MAP7D1: variants seen among roughly 807,000 people sequenced by gnomAD.
The protein encoded by MAP7D1 is MAP7 domain-containing protein 1.
In MAP7D1, 30 loss-of-function variants were observed where a neutral mutation model predicts 97.5. The observed-to-expected ratio is 0.31, with a 90% confidence interval of 0.23 to 0.42. MAP7D1 has a LOEUF of 0.42. Among genes scored for constraint, MAP7D1 ranks in the 10% least tolerant of loss-of-function variants. The pLI is 1.00. For missense variants in MAP7D1, 1,184 were observed against 1,179.5 expected (o/e 1.00, Z -0.06); for synonymous variants, 536 against 477.1 (o/e 1.12, Z -1.61).
intron 8 of MAP7D1, 108 bp from the exon 9 acceptor site, chr1:36,177,765 C>T: frequency 1.6e-6 from 2 of 1,276,144 alleles, no homozygotes; most frequent in Non-Finnish European, 9.9e-7. Context: ...GGGCGGGGGG[C>T]GGCGCTGATG....
At chr1:36,161,427 G>A (rs1374018963) in intron 1 of MAP7D1, among the ~76,000 whole-genome samples, 2 of 152,234 alleles carry the variant, frequency 1.3e-5, no homozygotes, top group African/African-American at 4.8e-5. Context: ...GCAGGGTAAA[G>A]ACCGTCATGC....
rs111556626 is a variant in MAP7D1, at chr1:36,178,956, G to A, written c.2061G>A (p.Ala687=). 922 of 1,559,188 alleles carry A rather than the reference G, an allele frequency of 5.9e-4. 4 individuals carry two copies. The African/African-American group carries it at 0.011, about 19-fold the overall frequency. ...EEAEARSREE[A]ERQRLEREKH... is the part of the protein sequence containing the mutation. ...CCGAAGCTCGGTCGCGGGAAGAGGC[G>A]GAGCGGCAGCGTCTGGAGCGGGAAA... Residue 687 remains alanine, a synonymous_variant, in exon 12 of 17, where the codon GCG becomes GCA. Transcript: ENST00000474796.
In MAP7D1 at chr1:36,176,879, C is replaced by T. The variant is rs754771804; in HGVS notation, c.1379+37C>T. ...CGGTGCGAGGGACCCTGCCCCTCAC[C>T]GGGTCATTTATTCATCACCCACAAA... On this transcript the variant is annotated intron_variant, in intron 8 of 16. Coordinates refer to ENST00000474796, the MANE Select transcript of MAP7D1 (RefSeq NM_001388490.1). The surrounding 1 kb of genome is among the most constrained non-coding windows in gnomAD (Gnocchi z 6.1). The T allele has an allele frequency of 2.5e-5, 38 of 1,511,614 alleles. No individual in the cohort carries two copies. The highest frequency in any genetic ancestry group is 1.8e-4 in the Admixed American group (9 of 49,588). 93.6% of individuals were successfully genotyped at this position (1,511,614 alleles called of 1,614,324 possible).
rs781117709 is a variant in MAP7D1 at position 36,180,259 on chromosome 1, G to A, written c.*1G>A. 6.2e-7 allele frequency: 1 copy of A among 1,614,226 alleles called. No homozygotes were observed. The highest frequency in any genetic ancestry group is 8.5e-7 in the Non-Finnish European group (1 of 1,180,042). Reference sequence around the variant, plus strand: ...CTGTTTTTCCCCAGAAGTCCTTTAAGAGGGTTTGCCTTGGATCCGGGCACA... The same window carrying A: ...CTGTTTTTCCCCAGAAGTCCTTTAAAAGGGTTTGCCTTGGATCCGGGCACA... On this transcript the variant is annotated 3_prime_UTR_variant, in exon 17 of 17. Coordinates refer to ENST00000474796, the MANE Select transcript of MAP7D1 (RefSeq NM_001388490.1).
At position 36,178,425 on chromosome 1, in the gene MAP7D1, C is replaced by T; in HGVS notation, c.1715C>T (p.Ala572Val). ...ATCCCGGATCCCCCTCCAGACGCTGCTGTCTTGACCTCACCCCCAGCCCCT... is the reference window on the plus strand; with the variant it reads ...ATCCCGGATCCCCCTCCAGACGCTGTTGTCTTGACCTCACCCCCAGCCCCT... ...QPPAETPTDA[A>V]VLTSPPAPAP... Residue 572 changes from alanine (A) to valine (V), a missense_variant, in exon 10 of 17, where the codon GCT (alanine) becomes GTT (valine). Transcript: ENST00000474796. The T allele has an allele frequency of 1.9e-6, 3 of 1,609,996 alleles. No individual in the cohort carries two copies. The highest frequency in any genetic ancestry group is 3.8e-4 in the Middle Eastern group (2 of 5,302).
At position 36,176,673 on chromosome 1, in the gene MAP7D1, C is replaced by A. The variant is rs774282950; in HGVS notation, c.1234-24C>A. On this transcript the variant is annotated intron_variant, in intron 7 of 16. Transcript: ENST00000474796. This position sits in a 1 kb window ranked among gnomAD's most constrained non-coding sequence, Gnocchi z 6.1. ...GGGCGCTGCTGACCTCTACTCTCCT[C>A]TTCCGTTCCTCCTTCCCTGCCAGGT... 7 of 1,606,332 alleles carry A rather than the reference C, an allele frequency of 4.4e-6. No individual in the cohort carries two copies. In the African/African-American group the frequency reaches 8.0e-5, roughly 18 times the overall value.
At chr1:36,179,094 G>A in intron 12 of MAP7D1, 69 bp downstream of exon 12, 1 of 1,518,266 alleles carries the variant, frequency 6.6e-7, no homozygotes, top group Non-Finnish European at 8.9e-7. Context: ...CGGGGCCTGG[G>A]CTTAGAGCGG....
intron 1 of MAP7D1, among the ~76,000 whole-genome samples, chr1:36,166,365 G>A (rs968888718): frequency 1.3e-5 from 2 of 150,746 alleles, no homozygotes; most frequent in African/African-American, 2.4e-5. Context: ...GCAGGATTTT[G>A]TCAGAGGAGT....
In MAP7D1 at chr1:36,162,986, C is replaced by T. The variant is rs541836351; in HGVS notation, c.46+6523C>T. On this transcript the variant is annotated intron_variant, in intron 1 of 16. Coordinates refer to ENST00000474796, the MANE Select transcript of MAP7D1 (RefSeq NM_001388490.1). Reference sequence around the variant, plus strand: ...ACTGACAAGGGCAGGGGGTGGCAGGCAAACAGAAAAGCTAGACTGAGTTAT... The same window carrying T: ...ACTGACAAGGGCAGGGGGTGGCAGGTAAACAGAAAAGCTAGACTGAGTTAT... Among the ~76,000 whole-genome samples the T allele has an allele frequency of 6.6e-5, 10 of 152,212 alleles. No individual in the cohort carries two copies. The South Asian group carries it at 1.7e-3, about 25-fold the overall frequency.
rs1389552816 is a variant in MAP7D1 at position 36,179,039 on chromosome 1, G to A, written c.2130+14G>A. On this transcript the variant is annotated intron_variant, in intron 12 of 16. Coordinates refer to ENST00000474796, the MANE Select transcript of MAP7D1 (RefSeq NM_001388490.1). ...GAGCGCAGAAAGGTGTGCGGACCTG[G>A]GCGGGGATTTGTGGGCGGGGCCTGG... 6.4e-7 allele frequency: 1 copy of A among 1,550,420 alleles called. No individual in the cohort carries two copies.
chr1:36,180,132 C>T, intron 16 of MAP7D1, 65 bp downstream of exon 16: 2 of 1,610,072 alleles, frequency 1.2e-6, no homozygotes, highest in Admixed American at 1.7e-5. Flanking sequence ...ACTCCTCAGC[C>T]CTGCCTTCTC....
rs573518120 is a variant in MAP7D1, at chr1:36,179,385, A to T, written c.2184+70A>T. On this transcript the variant is annotated intron_variant, in intron 13 of 16. Transcript: ENST00000474796. The stretch of plus-strand genomic sequence containing the variant: ...TGTGAAAAGGAGGCTGCGGAAAGGC[A>T]TCCATGGCCACGGAGAGCGAGGCTG... 1.7e-5 allele frequency: 27 copies of T among 1,595,536 alleles called. No individual in the cohort carries two copies. In the African/African-American group the frequency reaches 3.2e-4, roughly 19 times the overall value.
Position 36,176,277 on chromosome 1 carries a change from G to A in MAP7D1, c.929G>A (p.Arg310Gln), listed in dbSNP as rs1322612960. The change falls in exon 7 of 17, where the codon CGG becomes CAG. Residue 310 changes from arginine to glutamine, a missense_variant. Coordinates refer to ENST00000474796, the MANE Select transcript of MAP7D1 (RefSeq NM_001388490.1). This position sits in a 1 kb window ranked among gnomAD's most constrained non-coding sequence, Gnocchi z 6.1. The part of the protein sequence containing the change: ...LMTPTLSFLA[R>Q]SRSAVTLPRN... ...ACGCCCACTCTCTCCTTCCTTGCTC[G>A]GAGTCGCAGCGCGGTCACACTGCCC... 1.2e-6 allele frequency: 2 copies of A among 1,603,378 alleles called. No homozygotes were observed. The highest frequency in any genetic ancestry group is 3.4e-5 in the Admixed American group (2 of 59,430).
At chr1:36,171,631 C>A (rs752900197) in intron 3 of MAP7D1, 50 bp downstream of exon 3, 9 of 1,596,786 alleles carry the variant, frequency 5.6e-6, no homozygotes, top group Admixed American at 1.7e-5. Flanking sequence ...TCATCAGCAT[C>A]CTATTAATAA....
In MAP7D1 at chr1:36,162,794, T is replaced by C. The variant is rs202245214; in HGVS notation, c.46+6331T>C. 2.3e-3 allele frequency among the ~76,000 whole-genome samples: 357 copies of C among 152,260 alleles called. 1 individual carries two copies. The highest frequency in any genetic ancestry group is 7.9e-3 in the African/African-American group (328 of 41,536). On this transcript the variant is annotated intron_variant, in intron 1 of 16. Transcript: ENST00000474796. The stretch of plus-strand genomic sequence containing the variant: ...TAAATACACACTAGCTAGGTAGCTT[T>C]CTACAGTACCCCCACCCACATATCT...
Position 36,175,018 on chromosome 1 carries a change from GGCCCA to G in MAP7D1, c.850+15_850+19del. 1 of 1,586,846 alleles carries G rather than the reference GGCCCA, an allele frequency of 6.3e-7. No homozygotes were observed. Among genetic ancestry groups the G allele is most frequent in the Non-Finnish European group, 8.7e-7 (1 of 1,155,398 alleles). The stretch of plus-strand genomic sequence containing the variant: ...AACTCCCCCAGTAGAAGTAAGAGAA[GGCCCA>G]GCCCTTCCCCCTCCAGAGCCCCTTG... On this transcript the variant is annotated intron_variant, in intron 6 of 16. Coordinates refer to ENST00000474796, the MANE Select transcript of MAP7D1 (RefSeq NM_001388490.1).
chr1:36,169,570 A>G (rs901668375), intron 1 of MAP7D1, among the ~76,000 whole-genome samples: 1 of 152,026 alleles, frequency 6.6e-6, no homozygotes, highest in African/African-American at 2.4e-5. Context: ...AAAAAAAAAA[A>G]GAAAAATGTT....
chr1:36,173,441 A>G lies in MAP7D1; in HGVS notation c.702A>G (p.Ala234=), dbSNP rs748058340. 6 of 1,587,256 alleles carry G rather than the reference A, an allele frequency of 3.8e-6. No individual in the cohort carries two copies. Among genetic ancestry groups the G allele is most frequent in the Non-Finnish European group, 5.2e-6 (6 of 1,163,162 alleles). Residue 234 remains alanine, a synonymous_variant, in exon 5 of 17, where the codon GCA becomes GCG. Transcript: ENST00000474796. ...TCCGGCAGCAGCGCTGGTCCTGGGC[A>G]GGGGCCCTGCACCACAGCTCTCCAG... ...AEIRQQRWSW[A]GALHHSSPGH...
chr1:36,180,307 A>T lies in MAP7D1; in HGVS notation c.*49A>T. The stretch of plus-strand genomic sequence containing the variant: ...ACAGTTGTGAGGGCTCCTCTGCATC[A>T]CCTACCAGGATGTCTGGAGGAGAAA... On this transcript the variant is annotated 3_prime_UTR_variant, in exon 17 of 17. Transcript: ENST00000474796. The T allele has an allele frequency of 6.2e-7, 1 of 1,612,848 alleles. No homozygotes were observed. Among genetic ancestry groups the T allele is most frequent in the Non-Finnish European group, 8.5e-7 (1 of 1,178,918 alleles).
Sources: gnomAD v4.1 joint callset for allele counts (sites outside exome capture counted in the v4.1 genomes callset) on GRCh38, gnomAD v4.1.1 for gene constraint, Gnocchi (gnomAD v3.1) non-coding constraint, MANE v1.5 for transcripts, NCBI Gene and HGNC (gene_info 2026-07-23, HGNC 2026-07-21) for gene names.